The following GYPE variants were observed in gnomAD, a reference collection of about 807,000 sequenced individuals.
The protein encoded by GYPE is glycophorin-E.
A neutral mutation model predicts 11.6 loss-of-function variants in GYPE; 8 were observed. The ratio of observed to expected loss-of-function variants is 0.69; its 90% CI spans 0.41 to 1.25. GYPE has a LOEUF of 1.25. Among genes scored for constraint, GYPE ranks in the 50% most tolerant of loss-of-function variants. The pLI, the probability that GYPE is intolerant of heterozygous loss-of-function variation, is 0.01. For synonymous variants in GYPE, 28 were observed against 29.6 expected (o/e 0.94, Z 0.18); for missense variants, 90 against 92.8 (o/e 0.97, Z 0.12).
chr4:143,884,012 G>A (rs1744155012), intron 1 of GYPE, among the ~76,000 whole-genome samples: 2 of 151,886 alleles, frequency 1.3e-5, no homozygotes, highest in South Asian at 2.1e-4. Context: ...GTCTATGGGA[G>A]GGTGCTGCAA....
chr4:143,872,182 T>C lies in GYPE; in HGVS notation c.*80A>G, dbSNP rs1743641028. On this transcript the variant is annotated 3_prime_UTR_variant, in exon 4 of 4. Coordinates refer to ENST00000358615, the MANE Select transcript of GYPE (RefSeq NM_198682.3). ...AGCCGTCAGGCACACAATTACACCA[T>C]GAACAGTGAAGTAAAAAAATGTCCT... 6.6e-6 allele frequency: 1 copy of C among 152,466 alleles called. No individual in the cohort carries two copies. The highest frequency in any genetic ancestry group is 2.4e-5 in the African/African-American group (1 of 41,394). 9.4% of individuals were successfully genotyped at this position (152,466 alleles called of 1,614,324 possible).
chr4:143,890,269 A>T (rs937224760), intron 1 of GYPE, among the ~76,000 whole-genome samples: 1 of 152,162 alleles, frequency 6.6e-6, no homozygotes, highest in Non-Finnish European at 1.5e-5. Context: ...AGCCAAGCAT[A>T]TTCCAATCTG....
intron 1 of GYPE, among the ~76,000 whole-genome samples, chr4:143,902,760 T>C (rs1257083096): frequency 2.0e-5 from 3 of 152,116 alleles, no homozygotes; most frequent in Admixed American, 2.0e-4. Context: ...GGCATGATGA[T>C]ATCACACCAG....
At chr4:143,900,523 GA>G (rs1744819539) in intron 1 of GYPE, among the ~76,000 whole-genome samples, 1 of 141,542 alleles carries the variant, frequency 7.1e-6, no homozygotes, top group South Asian at 2.5e-4. Context: ...CCAAAAGGTG[GA>G]AACAACACAA....
intron 1 of GYPE, among the ~76,000 whole-genome samples, chr4:143,901,462 T>C (rs1744865300): frequency 1.7e-5 from 1 of 60,384 alleles, no homozygotes; most frequent in South Asian, 1.0e-3. Flanking sequence ...CACTCAGAGA[T>C]ACACCCGGAA....
intron 3 of GYPE, among the ~76,000 whole-genome samples, chr4:143,874,654 C>G (rs182375273): frequency 1.3e-5 from 2 of 152,292 alleles, no homozygotes; most frequent in African/African-American, 4.8e-5. Context: ...ATAAGGCAGT[C>G]AGAATGTATC....
chr4:143,896,896 CTA>C (rs1408490298), intron 1 of GYPE, among the ~76,000 whole-genome samples: 1 of 151,934 alleles, frequency 6.6e-6, no homozygotes, highest in South Asian at 2.1e-4. Context: ...TCTCAGCAAA[CTA>C]TCGCAAGGAC....
At chr4:143,896,965 C>T in intron 1 of GYPE, among the ~76,000 whole-genome samples, 1 of 149,640 alleles carries the variant, frequency 6.7e-6, no homozygotes, top group Middle Eastern at 3.4e-3. Context: ...AATGAGAACA[C>T]ATGGACACAG....
intron 1 of GYPE, among the ~76,000 whole-genome samples, chr4:143,889,445 A>C (rs4835361): frequency 0.95 from 141,424 of 148,688 alleles, 67,344 homozygotes; most frequent in East Asian, 1. Context: ...GGGATCTGTG[A>C]AAGTCTCTGA....
rs539211423 is a variant in GYPE at position 143,880,150 on chromosome 4, C to T, written c.136+261G>A. ...TATTAGGTCCCCTTTATCTGGCCCA[C>T]TATTTCATGGTCACGTGCATCATTT... On this transcript the variant is annotated intron_variant, in intron 2 of 3. Transcript: ENST00000358615. 6.1e-4 allele frequency among the ~76,000 whole-genome samples: 93 copies of T among 152,330 alleles called. 1 individual carries two copies. Among genetic ancestry groups the T allele is most frequent in the African/African-American group, 2.2e-3 (92 of 41,582 alleles).
At chr4:143,895,784 G>A (rs996344711) in intron 1 of GYPE, among the ~76,000 whole-genome samples, 71 of 151,694 alleles carry the variant, frequency 4.7e-4, no homozygotes, top group African/African-American at 1.5e-3. Flanking sequence ...AACCAAAACA[G>A]CATGGTACTG....
chr4:143,889,210 T>C (rs1744310973), intron 1 of GYPE, among the ~76,000 whole-genome samples: 1 of 152,002 alleles, frequency 6.6e-6, no homozygotes, highest in Non-Finnish European at 1.5e-5. Context: ...TCAGGAAGCC[T>C]GAACTTTTTA....
At chr4:143,897,739 T>TGA (rs1441807213) in intron 1 of GYPE, among the ~76,000 whole-genome samples, 1 of 152,076 alleles carries the variant, frequency 6.6e-6, no homozygotes, top group African/African-American at 2.4e-5. Context: ...CACAAGCCAT[T>TGA]GACCAGTGGC....
chr4:143,902,092 C>A (rs1426166980), intron 1 of GYPE, among the ~76,000 whole-genome samples: 1 of 152,018 alleles, frequency 6.6e-6, no homozygotes, highest in Non-Finnish European at 1.5e-5. Flanking sequence ...CTGAGGCCCA[C>A]GGGTGTTAAA....
intron 1 of GYPE, among the ~76,000 whole-genome samples, chr4:143,902,164 G>T (rs1042937556): frequency 2.6e-5 from 4 of 151,990 alleles, no homozygotes; most frequent in Non-Finnish European, 5.9e-5. Context: ...TTGTCATTTT[G>T]AGTAGTTGAT....
At chr4:143,876,062 G>T (rs899652633) in intron 3 of GYPE, among the ~76,000 whole-genome samples, 6 of 151,828 alleles carry the variant, frequency 4.0e-5, no homozygotes, top group African/African-American at 9.7e-5. Flanking sequence ...AAAATCTGTT[G>T]CAAAATATGT....
At chr4:143,903,454 T>C (rs1230709850) in intron 1 of GYPE, among the ~76,000 whole-genome samples, 1 of 134,976 alleles carries the variant, frequency 7.4e-6, no homozygotes, top group Non-Finnish European at 1.5e-5. Context: ...CTGGTAAGTT[T>C]AGAATTAGAA....
At position 143,870,971 on chromosome 4, in the gene GYPE, T is replaced by C. The variant is rs1381545312; in HGVS notation, c.*1291A>G. On this transcript the variant is annotated 3_prime_UTR_variant, in exon 4 of 4. Transcript: ENST00000358615. ...AAAGGGGAAACAAACACATCTTTCT[T>C]ACATAGTGGCAGGAAGGAGAAGAAT... 1.3e-5 allele frequency: 2 copies of C among 151,916 alleles called. No homozygotes were observed. Among genetic ancestry groups the C allele is most frequent in the African/African-American group, 2.4e-5 (1 of 41,260 alleles). The allele number at this position is 151,916 out of a possible 1,614,324, so 9.4% of individuals were successfully genotyped here.
At chr4:143,904,216 C>T (rs1023384673) in intron 1 of GYPE, among the ~76,000 whole-genome samples, 1 of 151,916 alleles carries the variant, frequency 6.6e-6, no homozygotes, top group Non-Finnish European at 1.5e-5. Context: ...CTGATAGCTA[C>T]TGCTTATTTT....
Sources: gnomAD v4.1 joint callset for allele counts (sites outside exome capture counted in the v4.1 genomes callset) on GRCh38, gnomAD v4.1.1 for gene constraint, MANE v1.5 for transcripts, NCBI Gene and HGNC (gene_info 2026-07-23, HGNC 2026-07-21) for gene names.